The following XXYLT1 variants were observed in gnomAD, a reference collection of about 807,000 sequenced individuals.
XXYLT1 encodes the protein UDP-xylose:alpha-xyloside alpha-1,3-xylosyltransferase.
XXYLT1 carries 20 observed loss-of-function variants against 28.9 expected under a neutral mutation model. That is an observed-to-expected ratio of 0.69 (90% confidence interval 0.49 to 1.00). The LOEUF (loss-of-function observed/expected upper bound fraction) is 1.00, where lower values mean the gene tolerates loss of function less well. XXYLT1 is among the 50% of genes least tolerant of loss of function. The pLI is 0.00. For missense variants in XXYLT1, 542 were observed against 560.1 expected (o/e 0.97, Z 0.33); for synonymous variants, 257 against 253.8 (o/e 1.01, Z -0.12).
At chr3:195,199,178 A>C (rs943374807) in intron 2 of XXYLT1, among the ~76,000 whole-genome samples, 1 of 149,450 alleles carries the variant, frequency 6.7e-6, no homozygotes, top group Non-Finnish European at 1.5e-5. Context: ...CCGTGTGGGC[A>C]GGGCTAGGAG....
chr3:195,258,127 C>T (rs916721342), intron 1 of XXYLT1, among the ~76,000 whole-genome samples: 2 of 152,152 alleles, frequency 1.3e-5, no homozygotes, highest in African/African-American at 2.4e-5. Flanking sequence ...GCCACCTGAG[C>T]GGTCACACAG....
intron 2 of XXYLT1, among the ~76,000 whole-genome samples, chr3:195,216,244 T>C (rs927065534): frequency 1.2e-4 from 18 of 150,626 alleles, no homozygotes; most frequent in Admixed American, 1.2e-3. Flanking sequence ...ACATCACAAT[T>C]GAAAGAACTA....
chr3:195,206,774 A>T (rs1723089796), intron 2 of XXYLT1, among the ~76,000 whole-genome samples: 1 of 152,126 alleles, frequency 6.6e-6, no homozygotes, highest in Non-Finnish European at 1.5e-5. Flanking sequence ...TCAAAAAAAA[A>T]AAGTACTTTT....
At chr3:195,134,922 G>A (rs931738191) in intron 3 of XXYLT1, among the ~76,000 whole-genome samples, 4 of 151,864 alleles carry the variant, frequency 2.6e-5, no homozygotes, top group Admixed American at 6.6e-5. Context: ...TTCCAAAGAC[G>A]ACTCAGTAAA....
At position 195,180,418 on chromosome 3, in the gene XXYLT1, C is replaced by T; in HGVS notation, c.653-23837G>A. ...CCTTCGGCTGCAGCCTCGCCGATTC[C>T]CGAGCTGTTTCCTGCTGCTTTTCTC... On this transcript the variant is annotated intron_variant, in intron 2 of 3. Coordinates refer to ENST00000310380, the MANE Select transcript of XXYLT1 (RefSeq NM_152531.5). This position sits in a 1 kb window ranked among gnomAD's most constrained non-coding sequence, Gnocchi z 5.8. The T allele has an allele frequency of 1.0e-6, 1 of 985,786 alleles. No homozygotes were observed. The highest frequency in any genetic ancestry group is 1.2e-6 in the Non-Finnish European group (1 of 830,202). 61.1% of individuals were successfully genotyped at this position (985,786 alleles called of 1,614,324 possible).
chr3:195,167,235 C>G (rs1721172763), intron 2 of XXYLT1, among the ~76,000 whole-genome samples: 2 of 152,258 alleles, frequency 1.3e-5, no homozygotes, highest in South Asian at 2.1e-4. Flanking sequence ...AATATCCCAT[C>G]TCCTAACAAA....
At chr3:195,172,261 A>C (rs1721443864) in intron 2 of XXYLT1, among the ~76,000 whole-genome samples, 1 of 152,178 alleles carries the variant, frequency 6.6e-6, no homozygotes, top group Non-Finnish European at 1.5e-5. Flanking sequence ...CCTGCACCTA[A>C]CGAGAGGCTT....
At chr3:195,184,579 G>A (rs1251498669) in intron 2 of XXYLT1, 14 of 973,758 alleles carry the variant, frequency 1.4e-5, no homozygotes, top group Non-Finnish European at 1.6e-5. Flanking sequence ...CCTCAAAATG[G>A]TTTGGAAGAA....
intron 2 of XXYLT1, among the ~76,000 whole-genome samples, chr3:195,181,481 A>G (rs1721952964): frequency 6.6e-6 from 1 of 152,224 alleles, no homozygotes; most frequent in African/African-American, 2.4e-5. Context: ...GGGACTGAGG[A>G]AGTGGATGAT....
rs184194432 is a variant in XXYLT1, at chr3:195,229,157, A to G, written c.505-2301T>C. 2.0e-5 allele frequency among the ~76,000 whole-genome samples: 3 copies of G among 152,078 alleles called. No homozygotes were observed. The East Asian group carries it at 5.8e-4, about 29-fold the overall frequency. ...TTTCTCTTATATTTCTTTTTAACCT[A>G]TATCTCTCTTAGTTCACCTTTCCTT... On this transcript the variant is annotated intron_variant, in intron 1 of 3. Coordinates refer to ENST00000310380, the MANE Select transcript of XXYLT1 (RefSeq NM_152531.5).
intron 2 of XXYLT1, among the ~76,000 whole-genome samples, chr3:195,162,072 G>A (rs961114083): frequency 4.0e-5 from 6 of 151,628 alleles, no homozygotes; most frequent in Non-Finnish European, 7.4e-5. Flanking sequence ...CTGGGTGACC[G>A]GGTGACCAAG....
rs1721204946 is a variant in XXYLT1, at chr3:195,167,838, G to A, written c.653-11257C>T. Among the ~76,000 whole-genome samples the A allele has an allele frequency of 2.0e-5, 3 of 152,182 alleles. No homozygotes were observed. In the South Asian group the frequency reaches 6.2e-4, roughly 32 times the overall value. ...TGAGGCAGGGGAACTGGACAAGGCA[G>A]AAGTGTCAGAGCTGCTGAGGCTGGA... On this transcript the variant is annotated intron_variant, in intron 2 of 3. Transcript: ENST00000310380.
intron 1 of XXYLT1, among the ~76,000 whole-genome samples, chr3:195,230,548 G>GT (rs367982470): frequency 2.6e-5 from 4 of 151,894 alleles, no homozygotes; most frequent in African/African-American, 9.7e-5. Context: ...AATCCACTTT[G>GT]TTTTTTTATA....
At chr3:195,268,409 C>T (rs1051771572) in intron 1 of XXYLT1, among the ~76,000 whole-genome samples, 7 of 148,838 alleles carry the variant, frequency 4.7e-5, no homozygotes, top group African/African-American at 1.0e-4. Context: ...CCAGCCTGGG[C>T]GACAAGAGCA....
In XXYLT1 at chr3:195,076,631, G is replaced by A. The variant is rs114201310; in HGVS notation, c.786-6520C>T. 5.3e-3 allele frequency among the ~76,000 whole-genome samples: 810 copies of A among 152,268 alleles called. 16 individuals carry two copies. Among genetic ancestry groups the A allele is most frequent in the African/African-American group, 0.019 (778 of 41,538 alleles). ...GAAAGGTGCTGCCTCTCCGTTCGGC[G>A]GGCTGGAAGTCCAAGATCACAGTGC... is the stretch of plus-strand genomic sequence containing the variant. On this transcript the variant is annotated intron_variant, in intron 3 of 3. Transcript: ENST00000310380. The surrounding 1 kb of genome is among the most constrained non-coding windows in gnomAD (Gnocchi z 5.3).
At chr3:195,222,276 G>T (rs542470104) in intron 2 of XXYLT1, among the ~76,000 whole-genome samples, 1 of 152,192 alleles carries the variant, frequency 6.6e-6, no homozygotes, top group Non-Finnish European at 1.5e-5. Context: ...TGGAGAACTC[G>T]GAGAAGCGGC....
At chr3:195,264,276 G>A (rs947155157) in intron 1 of XXYLT1, among the ~76,000 whole-genome samples, 3 of 152,250 alleles carry the variant, frequency 2.0e-5, no homozygotes, top group African/African-American at 7.2e-5. Flanking sequence ...CTGCCTTCTG[G>A]AGATTACCTT....
chr3:195,157,469 C>G (rs999455877), intron 2 of XXYLT1, among the ~76,000 whole-genome samples: 1 of 152,160 alleles, frequency 6.6e-6, no homozygotes, highest in Non-Finnish European at 1.5e-5. Flanking sequence ...GCCTAAAAGA[C>G]AGGATGAGCC....
chr3:195,141,681 C>A (rs998945968), intron 3 of XXYLT1, among the ~76,000 whole-genome samples: 7 of 152,204 alleles, frequency 4.6e-5, no homozygotes, highest in African/African-American at 1.7e-4. Flanking sequence ...AATCTCAGAA[C>A]CCTTGCCAGC....
Sources: allele counts gnomAD v4.1 joint callset (sites outside exome capture counted in the v4.1 genomes callset), GRCh38; gene constraint gnomAD v4.1.1; non-coding constraint Gnocchi (gnomAD v3.1); transcripts MANE v1.5; gene names NCBI Gene and HGNC (gene_info 2026-07-23, HGNC 2026-07-21).